CASP10: variants seen among roughly 807,000 people sequenced by gnomAD.
CASP10 encodes caspase 10.
A neutral mutation model predicts 48.5 loss-of-function variants in CASP10; 41 were observed. The ratio of observed to expected loss-of-function variants is 0.85; its 90% CI spans 0.66 to 1.10. The LOEUF (loss-of-function observed/expected upper bound fraction) is 1.10. Ranked by LOEUF, CASP10 falls within the 50% of genes least tolerant of loss-of-function variation. The probability of loss-of-function intolerance (pLI) is 0.00; values close to 1 mark genes in which losing one functional copy is unlikely to be tolerated. For synonymous variants in CASP10, 232 were observed against 238.4 expected, an observed-to-expected ratio of 0.97 and a Z score of 0.25; for missense variants, 614 against 614.5, an observed-to-expected ratio of 1.00 and a Z score of 0.01.
At chr2:201,207,966 G>A in intron 7 of CASP10, 109 bp from the exon 8 acceptor site, 1 of 764,144 alleles carries the variant, frequency 1.3e-6, no homozygotes, top group Non-Finnish European at 2.4e-6. Flanking sequence ...CTGGCATGGG[G>A]AGATACATCC....
At chr2:201,207,534 G>A (rs1480613623) in intron 7 of CASP10, among the ~76,000 whole-genome samples, 1 of 151,966 alleles carries the variant, frequency 6.6e-6, no homozygotes, top group Non-Finnish European at 1.5e-5. Context: ...CGAGGTGGGC[G>A]GATCACAAGG....
At chr2:201,198,249 A>T (rs1944874983) in intron 5 of CASP10, among the ~76,000 whole-genome samples, 1 of 141,188 alleles carries the variant, frequency 7.1e-6, no homozygotes, top group African/African-American at 2.7e-5. Context: ...TTTGAGACGG[A>T]GTCTCACTCT....
In CASP10 at chr2:201,203,775, T is replaced by C. The variant is rs1182083345; in HGVS notation, c.721+9T>C. On this transcript the variant is annotated intron_variant, in intron 6 of 9. Transcript: ENST00000286186. ...GCATGCAGGTAGTAATGGTAGGTATTTCTAATGTACTTTTTACAACTTAGA... is the reference window on the plus strand; with the variant it reads ...GCATGCAGGTAGTAATGGTAGGTATCTCTAATGTACTTTTTACAACTTAGA... 6.2e-7 allele frequency: 1 copy of C among 1,611,588 alleles called. No individual in the cohort carries two copies. The highest frequency in any genetic ancestry group is 1.3e-5 in the African/African-American group (1 of 74,886).
At chr2:201,205,111 TAG>T (rs1410005439) in intron 6 of CASP10, among the ~76,000 whole-genome samples, 1 of 152,212 alleles carries the variant, frequency 6.6e-6, no homozygotes, top group East Asian at 1.9e-4. Flanking sequence ...CTCTCTGTGA[TAG>T]AGTCTTTTCC....
rs1270799432 is a variant in CASP10, at chr2:201,218,927, C to T, written c.*1186C>T. ...GTTTCCCTGTAGGAAGATGATGGCT[C>T]ATTTACACTCAGCTGCTCTGCAAGC... On this transcript the variant is annotated 3_prime_UTR_variant, in exon 10 of 10. Transcript: ENST00000286186. 3 of 985,308 alleles carry T rather than the reference C, an allele frequency of 3.0e-6. No homozygotes were observed. Among genetic ancestry groups the T allele is most frequent in the Non-Finnish European group, 3.6e-6 (3 of 829,950 alleles). 61.0% of individuals were successfully genotyped at this position (985,308 alleles called of 1,614,324 possible). A position where few individuals can be genotyped will look rare whatever the true frequency, so the allele number is the denominator to read the frequency against.
chr2:201,209,332 CTT>C lies in CASP10; in HGVS notation c.1189_1190del (p.Phe397HisfsTer7). On this transcript the variant is annotated frameshift_variant, in exon 9 of 10. Transcript: ENST00000286186. LOFTEE classifies it high-confidence loss of function. ...CTAGACTGGCTGAAAAACCTAAACT[CTT>C]TTTCATCCAGGCCTGCCAAGGTGAA... ...CPRLAEKPKL[F>X]FIQACQGEEI... The C allele has an allele frequency of 6.2e-7, 1 of 1,614,162 alleles. No homozygotes were observed. Among genetic ancestry groups the C allele is most frequent in the Non-Finnish European group, 8.5e-7 (1 of 1,180,032 alleles).
At chr2:201,214,380 G>A (rs1169674115) in intron 9 of CASP10, 1 of 152,080 alleles carries the variant, frequency 6.6e-6, no homozygotes, top group Non-Finnish European at 1.5e-5. Context: ...GGAAATACAG[G>A]GTTTTTTCCA....
At chr2:201,187,042 C>G (rs903068578) in intron 2 of CASP10, among the ~76,000 whole-genome samples, 1 of 152,108 alleles carries the variant, frequency 6.6e-6, no homozygotes, top group African/African-American at 2.4e-5. Flanking sequence ...GAGAACCTCA[C>G]GAAGAGGAGC....
chr2:201,228,905 C>G, intron 9 of CASP10: 1 of 1,612,126 alleles, frequency 6.2e-7, no homozygotes. Flanking sequence ...GTCAAAGTTC[C>G]CCTTTTATTT....
rs1945635314 is a variant in CASP10, at chr2:201,218,229, T to C, written c.*488T>C. 2 of 1,013,808 alleles carry C rather than the reference T, an allele frequency of 2.0e-6. No homozygotes were observed. The highest frequency in any genetic ancestry group is 3.9e-5 in the South Asian group (1 of 25,656). The allele number at this position is 1,013,808 out of a possible 1,614,324, so 62.8% of individuals were successfully genotyped here. ...AGCCACCACACCTGGCCAGAAAACT[T>C]TCATTATTGAAGACTTGGATTGTAG... On this transcript the variant is annotated 3_prime_UTR_variant, in exon 10 of 10. Coordinates refer to ENST00000286186, the MANE Select transcript of CASP10 (RefSeq NM_032977.4).
At chr2:201,216,685 T>C (rs1444214325) in intron 9 of CASP10, among the ~76,000 whole-genome samples, 1 of 152,156 alleles carries the variant, frequency 6.6e-6, no homozygotes, top group Non-Finnish European at 1.5e-5. Context: ...ATATACATCC[T>C]TTAATGCTCT....
At position 201,204,141 on chromosome 2, in the gene CASP10, A is replaced by G. The variant is rs528913611; in HGVS notation, c.721+375A>G. On this transcript the variant is annotated intron_variant, in intron 6 of 9. Transcript: ENST00000286186. ...TGTGCAGTCTGGGTGCGTGTCCTCT[A>G]TGGAGTGGTTCCAGATGTTGCTTCA... Among the ~76,000 whole-genome samples the G allele has an allele frequency of 7.2e-5, 11 of 152,294 alleles. 1 individual carries two copies. The South Asian group carries it at 1.9e-3, about 26-fold the overall frequency.
At chr2:201,199,755 A>G (rs918583834) in intron 5 of CASP10, among the ~76,000 whole-genome samples, 2 of 151,782 alleles carry the variant, frequency 1.3e-5, no homozygotes, top group Admixed American at 6.6e-5. Context: ...TTGTATTTTT[A>G]GTAGAGATGG....
In CASP10 at chr2:201,220,873, G is replaced by C; in HGVS notation, c.*3132G>C. ...AGGATGGTGAGATACTGAGGAAAGA[G>C]CAAAGGATCTGGAGATCAAAGCCCT... On this transcript the variant is annotated 3_prime_UTR_variant, in exon 10 of 10. Coordinates refer to ENST00000286186, the MANE Select transcript of CASP10 (RefSeq NM_032977.4). 1 of 985,480 alleles carries C rather than the reference G, an allele frequency of 1.0e-6. No homozygotes were observed. The highest frequency in any genetic ancestry group is 1.7e-5 in the African/African-American group (1 of 57,374). The allele number at this position is 985,480 out of a possible 1,614,324, so 61.0% of individuals were successfully genotyped here.
chr2:201,189,023 A>C (rs528865180), intron 3 of CASP10, among the ~76,000 whole-genome samples: 1 of 151,712 alleles, frequency 6.6e-6, no homozygotes, highest in South Asian at 2.1e-4. Flanking sequence ...GCAGCCTGCC[A>C]CTACGCCTGG....
At chr2:201,202,986 G>T (rs754077612) in intron 5 of CASP10, among the ~76,000 whole-genome samples, 2 of 151,820 alleles carry the variant, frequency 1.3e-5, no homozygotes, top group Admixed American at 1.3e-4. Flanking sequence ...AAAATCCAAC[G>T]TATATCTTCC....
chr2:201,217,729 A>G lies in CASP10; in HGVS notation c.1557A>G (p.Ala519=), dbSNP rs747642517. 16 of 1,613,888 alleles carry G rather than the reference A, an allele frequency of 9.9e-6. No homozygotes were observed. In the East Asian group the frequency reaches 2.0e-4, roughly 20 times the overall value. Residue 519 remains alanine, a synonymous_variant, in exon 10 of 10, where the codon GCA becomes GCG. Transcript: ENST00000286186. Reference sequence around the variant, plus strand: ...TAGTATTCCCTGTGCCCCTGGATGCACTTTCATTATAGCAGAGAGTTTTTG... The same window carrying G: ...TAGTATTCCCTGTGCCCCTGGATGCGCTTTCATTATAGCAGAGAGTTTTTG... ...KKLVFPVPLD[A]LSL is the part of the protein sequence containing the mutation.
chr2:201,220,101 GAT>G lies in CASP10; in HGVS notation c.*2363_*2364del, dbSNP rs529468783. 9.5e-5 allele frequency: 94 copies of G among 985,262 alleles called. No individual in the cohort carries two copies. Among genetic ancestry groups the G allele is most frequent in the Middle Eastern group, 5.2e-4 (1 of 1,936 alleles). The allele number at this position is 985,262 out of a possible 1,614,324, so 61.0% of individuals were successfully genotyped here. ...AGAATATTCACAAGAACACTGTTCT[GAT>G]ATCTCTGATTGTCATGTGGATTTGA... is the stretch of plus-strand genomic sequence containing the variant. On this transcript the variant is annotated 3_prime_UTR_variant, in exon 10 of 10. Coordinates refer to ENST00000286186, the MANE Select transcript of CASP10 (RefSeq NM_032977.4).
intron 9 of CASP10, among the ~76,000 whole-genome samples, chr2:201,228,364 C>T (rs1395406223): frequency 6.6e-6 from 1 of 152,122 alleles, no homozygotes; most frequent in African/African-American, 2.4e-5. Flanking sequence ...TTAGAAACTT[C>T]AGAAGGATCC....
Sources: gnomAD v4.1 joint callset for allele counts (sites outside exome capture counted in the v4.1 genomes callset) on GRCh38, gnomAD v4.1.1 for gene constraint, MANE v1.5 for transcripts, NCBI Gene and HGNC (gene_info 2026-07-23, HGNC 2026-07-21) for gene names.